EPRS1: variants seen among roughly 807,000 people sequenced by gnomAD.
The protein encoded by EPRS1 is glutamyl-prolyl-tRNA synthetase 1, also known as bifunctional glutamate/proline--tRNA ligase.
Under a neutral mutation model 188.3 loss-of-function variants are expected in EPRS1, and 107 were observed. The ratio of observed to expected loss-of-function variants is 0.57; its 90% CI spans 0.49 to 0.67. EPRS1 has a LOEUF of 0.67. EPRS1 is among the 30% of genes least tolerant of loss of function. The pLI is 0.00. For missense variants in EPRS1, 1,577 were observed against 1,802.2 expected (o/e 0.88, Z 2.26); for synonymous variants, 596 against 593.1 (o/e 1.00, Z -0.07).
At chr1:219,989,847 G>A (rs1468513376) in intron 18 of EPRS1, among the ~76,000 whole-genome samples, 1 of 152,126 alleles carries the variant, frequency 6.6e-6, no homozygotes, top group Admixed American at 6.5e-5. Context: ...TTGTACTCCT[G>A]TTGTGTCTCT....
intron 2 of EPRS1, among the ~76,000 whole-genome samples, chr1:220,039,621 C>T (rs1662255999): frequency 6.6e-6 from 1 of 151,440 alleles, no homozygotes; most frequent in South Asian, 2.1e-4. Context: ...CAGGTTCAAG[C>T]AATTCTCCTG....
At chr1:220,016,307 G>A (rs1661709481) in intron 12 of EPRS1, among the ~76,000 whole-genome samples, 4 of 148,652 alleles carry the variant, frequency 2.7e-5, no homozygotes. Context: ...TTGTGCCATT[G>A]CACTCCAGCC....
In EPRS1 at chr1:220,045,735, G is replaced by T. The variant is rs765201858; in HGVS notation, c.46+608C>A. ...AAAAGCAACCGCATCAGTCTACAGTGTACCTGGGTGTTTTCCCCAATTACC... is the reference window on the plus strand; with the variant it reads ...AAAAGCAACCGCATCAGTCTACAGTTTACCTGGGTGTTTTCCCCAATTACC... On this transcript the variant is annotated intron_variant, in intron 1 of 31. Coordinates refer to ENST00000366923, the MANE Select transcript of EPRS1 (RefSeq NM_004446.3). Among the ~76,000 whole-genome samples the T allele has an allele frequency of 2.5e-4, 38 of 152,150 alleles. 1 individual carries two copies. The highest frequency in any genetic ancestry group is 2.9e-5 in the Non-Finnish European group (2 of 68,034).
At position 220,027,284 on chromosome 1, in the gene EPRS1, C is replaced by T. The variant is rs1249441989; in HGVS notation, c.624-2026G>A. On this transcript the variant is annotated intron_variant, in intron 6 of 31. Transcript: ENST00000366923. ...CTAAAAAAAATACAAAAAAATTAGC[C>T]GAGAGTGGTGGCAGGCACCTGTAGT... Among the ~76,000 whole-genome samples the T allele has an allele frequency of 3.3e-5, 5 of 152,134 alleles. 1 individual carries two copies. The highest frequency in any genetic ancestry group is 7.4e-5 in the Non-Finnish European group (5 of 67,972).
At chr1:220,042,252 G>A (rs1164015851) in intron 1 of EPRS1, among the ~76,000 whole-genome samples, 1 of 151,708 alleles carries the variant, frequency 6.6e-6, no homozygotes, top group Admixed American at 6.6e-5. Flanking sequence ...GGAGACTGAG[G>A]CAGGCGGATT....
chr1:220,002,609 C>A (rs1378430653), intron 16 of EPRS1, among the ~76,000 whole-genome samples: 1 of 152,002 alleles, frequency 6.6e-6, no homozygotes, highest in Non-Finnish European at 1.5e-5. Flanking sequence ...TCTGTAATCC[C>A]AGCACTTCGG....
At position 219,997,544 on chromosome 1, in the gene EPRS1, C is replaced by T. The variant is rs539335292; in HGVS notation, c.2182-202G>A. 1.5e-4 allele frequency among the ~76,000 whole-genome samples: 23 copies of T among 152,110 alleles called. 2 individuals are homozygous for T. In the South Asian group the frequency reaches 4.0e-3, roughly 26 times the overall value. On this transcript the variant is annotated intron_variant, in intron 17 of 31. Transcript: ENST00000366923. ...ACAGGCGTAAACAAAGATAGAGGTA[C>T]CTACATACTCACTGAAGCATTTTTA...
Position 220,007,351 on chromosome 1 carries a change from G to A in EPRS1, c.1606-13C>T. On this transcript the variant is annotated splice_polypyrimidine_tract_variant and intron_variant, in intron 13 of 31. Coordinates refer to ENST00000366923, the MANE Select transcript of EPRS1 (RefSeq NM_004446.3). ...CAACCTCAGGATTCTGATTGATAAAGAAAAGCAGAGTGTCTGTTGAAACAA... is the reference window on the plus strand; with the variant it reads ...CAACCTCAGGATTCTGATTGATAAAAAAAAGCAGAGTGTCTGTTGAAACAA... 6.3e-7 allele frequency: 1 copy of A among 1,599,874 alleles called. No homozygotes were observed. The highest frequency in any genetic ancestry group is 8.5e-7 in the Non-Finnish European group (1 of 1,175,862).
In EPRS1 at chr1:220,006,224, G is replaced by A. The variant is rs780146482; in HGVS notation, c.1832C>T (p.Ala611Val). 6.2e-7 allele frequency: 1 copy of A among 1,604,172 alleles called. No individual in the cohort carries two copies. The highest frequency in any genetic ancestry group is 1.3e-5 in the African/African-American group (1 of 74,834). The part of the protein sequence containing the change: ...YKKTTKVTWL[A>V]ETTHALPIPV... ...AATAGGAAGAGCATGTGTAGTCTCT[G>A]CAAGCCAAGTGACCTTAGTGGTTTT... The change falls in exon 15 of 32, where the codon GCA becomes GTA. Residue 611 changes from alanine (A) to valine (V), a missense_variant. By Grantham distance (64) the Ala-to-Val change is moderately conservative (BLOSUM62 0). This residue lies in a region of EPRS1 where 1,278 missense variants were observed against 1,457.4 expected (regional missense o/e 0.88). Coordinates refer to ENST00000366923, the MANE Select transcript of EPRS1 (RefSeq NM_004446.3).
intron 9 of EPRS1, among the ~76,000 whole-genome samples, chr1:220,022,115 A>G (rs1661888342): frequency 6.6e-6 from 1 of 152,232 alleles, no homozygotes; most frequent in African/African-American, 2.4e-5. Context: ...AGGCAGACTC[A>G]GGACTTTCAT....
At chr1:220,012,112 G>A (rs76356034) in intron 12 of EPRS1, among the ~76,000 whole-genome samples, 2 of 152,096 alleles carry the variant, frequency 1.3e-5, no homozygotes, top group Non-Finnish European at 2.9e-5. Context: ...GGTCATTCAC[G>A]CAAAGTTTGA....
chr1:219,988,687 G>A lies in EPRS1; in HGVS notation c.2678C>T (p.Pro893Leu). 2 of 1,613,904 alleles carry A rather than the reference G, an allele frequency of 1.2e-6. No individual in the cohort carries two copies. The highest frequency in any genetic ancestry group is 1.7e-6 in the Non-Finnish European group (2 of 1,179,878). The change falls in exon 19 of 32, where the codon CCT (proline) becomes CTT (leucine). Residue 893 changes from proline (P) to leucine (L), a missense_variant. Coordinates refer to ENST00000366923, the MANE Select transcript of EPRS1 (RefSeq NM_004446.3). ...SDSSPTRNSE[P>L]AGLETPEAKV... The stretch of plus-strand genomic sequence containing the variant: ...CGCTTCTGGTGTTTCTAAACCAGCA[G>A]GTTCAGAATTTCTGGTTGGGCTTGA...
intron 13 of EPRS1, among the ~76,000 whole-genome samples, chr1:220,008,865 A>G (rs1661548104): frequency 6.6e-6 from 1 of 152,040 alleles, no homozygotes; most frequent in Non-Finnish European, 1.5e-5. Flanking sequence ...TCGTAGAGAC[A>G]GAGTCTTGCT....
chr1:219,968,650 C>T lies in EPRS1; in HGVS notation c.*156G>A. ...GTTGTTTACAGAAAAGTCTTTTATC[C>T]ACTGTTAACTTAGGCATAAGAATAA... On this transcript the variant is annotated 3_prime_UTR_variant, in exon 32 of 32. Coordinates refer to ENST00000366923, the MANE Select transcript of EPRS1 (RefSeq NM_004446.3). The T allele has an allele frequency of 3.2e-6, 2 of 629,606 alleles. No homozygotes were observed. Among genetic ancestry groups the T allele is most frequent in the Non-Finnish European group, 5.5e-6 (2 of 366,306 alleles). The allele number at this position is 629,606 out of a possible 1,614,324, so 39.0% of individuals were successfully genotyped here. A position where few individuals can be genotyped will look rare whatever the true frequency, so the allele number is the denominator to read the frequency against.
At chr1:219,971,903 T>C (rs555812455) in intron 30 of EPRS1, among the ~76,000 whole-genome samples, 166 bp downstream of exon 30, 21 of 149,304 alleles carry the variant, frequency 1.4e-4, no homozygotes, top group African/African-American at 4.4e-4. Context: ...ACAAAGACTA[T>C]ATAATTAGAT....
intron 3 of EPRS1, 94 bp downstream of exon 3, chr1:220,034,820 A>T (rs1571697593): frequency 1.3e-6 from 1 of 780,430 alleles, no homozygotes; most frequent in Non-Finnish European, 2.3e-6. Flanking sequence ...ATCCTTAAGT[A>T]GAATAGTTCA....
intron 17 of EPRS1, among the ~76,000 whole-genome samples, chr1:219,998,982 T>C (rs1397226110): frequency 6.6e-6 from 1 of 151,810 alleles, no homozygotes; most frequent in Admixed American, 6.6e-5. Flanking sequence ...ATTCCAGTTT[T>C]ATGTCAAATA....
chr1:220,011,740 T>A (rs1038161326), intron 12 of EPRS1, among the ~76,000 whole-genome samples: 6 of 152,226 alleles, frequency 3.9e-5, no homozygotes, highest in Non-Finnish European at 7.3e-5. Context: ...CTCTAACCTA[T>A]TCTACTTCCA....
chr1:219,983,407 A>G lies in EPRS1; in HGVS notation c.3091-9T>C. 6.3e-7 allele frequency: 1 copy of G among 1,598,504 alleles called. No individual in the cohort carries two copies. The stretch of plus-strand genomic sequence containing the variant: ...TCTGACTTTGTGATGACCTTTTTAA[A>G]AGAAAAATAGTCTTTAAAGCTTACA... On this transcript the variant is annotated splice_polypyrimidine_tract_variant and intron_variant, in intron 21 of 31. Transcript: ENST00000366923.
Sources: allele counts gnomAD v4.1 joint callset (sites outside exome capture counted in the v4.1 genomes callset), GRCh38; gene constraint gnomAD v4.1.1; regional missense constraint gnomAD v4.1.1; transcripts MANE v1.5; gene names NCBI Gene and HGNC (gene_info 2026-07-23, HGNC 2026-07-21).